Variants in NAALADL2 observed in about 807,000 individuals in gnomAD.
NAALADL2 encodes inactive N-acetylated-alpha-linked acidic dipeptidase-like protein 2.
A neutral mutation model predicts 87.2 loss-of-function variants in NAALADL2; 76 were observed. The ratio of observed to expected loss-of-function variants is 0.87; its 90% CI spans 0.72 to 1.05. NAALADL2 has a LOEUF of 1.05. Ranked by LOEUF, NAALADL2 falls within the 50% of genes least tolerant of loss-of-function variation. The pLI is 0.00. For synonymous variants in NAALADL2, 354 were observed against 331.0 expected (o/e 1.07, Z -0.75); for missense variants, 1,089 against 945.8 (o/e 1.15, Z -1.99).
chr3:175,478,272 T>G (rs574517487), intron 9 of NAALADL2, among the ~76,000 whole-genome samples: 1 of 152,090 alleles, frequency 6.6e-6, no homozygotes, highest in African/African-American at 2.4e-5. Flanking sequence ...CCATAAAGAC[T>G]AATGAACTGA....
At chr3:174,586,323 A>T (rs1405251357) in intron 2 of NAALADL2, among the ~76,000 whole-genome samples, 2 of 152,186 alleles carry the variant, frequency 1.3e-5, no homozygotes, top group Non-Finnish European at 2.9e-5. Context: ...AAATACGATA[A>T]ATAAGGCCAC....
chr3:174,474,827 G>T (rs1366530552), intron 1 of NAALADL2, among the ~76,000 whole-genome samples: 1 of 152,122 alleles, frequency 6.6e-6, no homozygotes, highest in Non-Finnish European at 1.5e-5. Context: ...AAGCAATTGA[G>T]AATTTTGTTA....
At chr3:175,319,157 T>C (rs1257920326) in intron 4 of NAALADL2, among the ~76,000 whole-genome samples, 1 of 152,232 alleles carries the variant, frequency 6.6e-6, no homozygotes, top group East Asian at 1.9e-4. Flanking sequence ...CTTTGCTCTT[T>C]TTCCTTTTCT....
At chr3:175,631,845 T>C (rs767425231) in intron 11 of NAALADL2, among the ~76,000 whole-genome samples, 14 of 152,056 alleles carry the variant, frequency 9.2e-5, no homozygotes, top group Non-Finnish European at 2.1e-4. Context: ...TTTCTAGTTA[T>C]GTTTCTAAAG....
intron 1 of NAALADL2, among the ~76,000 whole-genome samples, chr3:174,952,846 C>A (rs1237549033): frequency 6.6e-6 from 1 of 152,042 alleles, no homozygotes; most frequent in Non-Finnish European, 1.5e-5. Flanking sequence ...TGGGTACTGT[C>A]CCTGCATTTA....
At chr3:175,466,107 G>A (rs906399554) in intron 7 of NAALADL2, among the ~76,000 whole-genome samples, 3 of 152,218 alleles carry the variant, frequency 2.0e-5, no homozygotes, top group Non-Finnish European at 2.9e-5. Context: ...TCTAACCCAA[G>A]CAGGCTGGAT....
At chr3:175,148,612 T>G (rs1731116880) in intron 2 of NAALADL2, among the ~76,000 whole-genome samples, 1 of 152,132 alleles carries the variant, frequency 6.6e-6, no homozygotes, top group Admixed American at 6.6e-5. Context: ...AGTTAGTTAG[T>G]TTTTGGCTAT....
At chr3:175,787,582 C>T (rs1428570183) in intron 13 of NAALADL2, among the ~76,000 whole-genome samples, 2 of 152,092 alleles carry the variant, frequency 1.3e-5, no homozygotes, top group Admixed American at 6.5e-5. Flanking sequence ...GCGCACGGTG[C>T]GCGCACCCAC....
chr3:175,738,991 A>C (rs1485546387), intron 12 of NAALADL2, among the ~76,000 whole-genome samples: 1 of 152,280 alleles, frequency 6.6e-6, no homozygotes, highest in African/African-American at 2.4e-5. Flanking sequence ...TTTATATTTT[A>C]TACTTCAGAA....
intron 13 of NAALADL2, among the ~76,000 whole-genome samples, chr3:175,787,241 C>G (rs893778408): frequency 6.6e-6 from 1 of 152,164 alleles, no homozygotes; most frequent in Non-Finnish European, 1.5e-5. Flanking sequence ...GGGCTCCACC[C>G]AGTTCGAGCT....
At chr3:174,553,535 A>G (rs1277029402) in intron 2 of NAALADL2, among the ~76,000 whole-genome samples, 1 of 152,220 alleles carries the variant, frequency 6.6e-6, no homozygotes, top group African/African-American at 2.4e-5. Context: ...ATGTAAATGC[A>G]TGTGCGTTCA....
intron 13 of NAALADL2, among the ~76,000 whole-genome samples, chr3:175,780,227 G>A (rs1750852991): frequency 6.6e-6 from 1 of 151,270 alleles, no homozygotes. Flanking sequence ...AGTGAGCCGA[G>A]ATCGCGCCAC....
intron 1 of NAALADL2, among the ~76,000 whole-genome samples, chr3:174,462,878 T>G (rs1263146731): frequency 1.3e-5 from 2 of 152,210 alleles, no homozygotes; most frequent in African/African-American, 4.8e-5. Context: ...CTAGTAGACT[T>G]TATAAAAATG....
chr3:175,145,313 CTCT>C (rs746861399), intron 2 of NAALADL2, among the ~76,000 whole-genome samples: 9 of 151,980 alleles, frequency 5.9e-5, no homozygotes, highest in South Asian at 2.1e-4. Flanking sequence ...TTGTAAGTTG[CTCT>C]TCTTCTTCCA....
At chr3:174,788,963 A>C (rs1353019093) in intron 3 of NAALADL2, among the ~76,000 whole-genome samples, 1 of 152,196 alleles carries the variant, frequency 6.6e-6, no homozygotes, top group Non-Finnish European at 1.5e-5. Flanking sequence ...TTTAGGGAAG[A>C]GTTTGAGAGA....
chr3:174,920,764 C>G (rs1167670058), intron 1 of NAALADL2, among the ~76,000 whole-genome samples: 1 of 152,170 alleles, frequency 6.6e-6, no homozygotes, highest in Non-Finnish European at 1.5e-5. Flanking sequence ...ATGCTTTCCT[C>G]ACTAAGTTTA....
chr3:175,626,317 C>G (rs944822802), intron 10 of NAALADL2, among the ~76,000 whole-genome samples: 1 of 151,936 alleles, frequency 6.6e-6, no homozygotes, highest in Admixed American at 6.6e-5. Flanking sequence ...TGGGTACTTT[C>G]TCTAGCATTG....
chr3:174,870,007 C>CAAAAAAAAA (rs71624295), intron 1 of NAALADL2, among the ~76,000 whole-genome samples: 1 of 62,862 alleles, frequency 1.6e-5, no homozygotes, highest in African/African-American at 6.4e-5. Context: ...CCCCACCCGC[C>CAAAAAAAAA]AAAAAAAAAA....
chr3:175,169,472 T>TAA (rs1553797866), intron 2 of NAALADL2, among the ~76,000 whole-genome samples: 2 of 150,898 alleles, frequency 1.3e-5, no homozygotes, highest in African/African-American at 2.4e-5. Flanking sequence ...TATATATATA[T>TAA]AATCTGTTGA....
Sources: allele counts gnomAD v4.1 joint callset (sites outside exome capture counted in the v4.1 genomes callset), GRCh38; gene constraint gnomAD v4.1.1; transcripts MANE v1.5; gene names NCBI Gene and HGNC (gene_info 2026-07-23, HGNC 2026-07-21).